Variants in NAALADL2 observed in about 807,000 individuals in gnomAD.
NAALADL2 encodes the protein inactive N-acetylated-alpha-linked acidic dipeptidase-like protein 2.
A neutral mutation model predicts 87.2 loss-of-function variants in NAALADL2; 76 were observed. The ratio of observed to expected loss-of-function variants is 0.87; its 90% confidence interval spans 0.72 to 1.05. The LOEUF (loss-of-function observed/expected upper bound fraction) is 1.05, where lower values mean the gene tolerates loss of function less well. Ranked by LOEUF, NAALADL2 falls within the 50% of genes least tolerant of loss-of-function variation. The pLI, the probability that NAALADL2 is intolerant of heterozygous loss-of-function variation, is 0.00. For synonymous variants in NAALADL2, 354 were observed against 331.0 expected, an observed-to-expected ratio of 1.07 and a Z score of -0.75; for missense variants, 1,089 against 945.8, an observed-to-expected ratio of 1.15 and a Z score of -1.99.
At chr3:175,781,715 T>A (rs894460338) in intron 13 of NAALADL2, among the ~76,000 whole-genome samples, 5 of 152,180 alleles carry the variant, frequency 3.3e-5, no homozygotes, top group South Asian at 2.1e-4. Flanking sequence ...TTATTTTTTT[T>A]ATTTTTTTAT....
intron 4 of NAALADL2, among the ~76,000 whole-genome samples, chr3:175,306,529 C>T (rs1016595459): frequency 1.2e-4 from 19 of 152,012 alleles, no homozygotes; most frequent in Admixed American, 2.6e-4. Flanking sequence ...AAATCCAAAG[C>T]GGCCAGACGC....
intron 5 of NAALADL2, among the ~76,000 whole-genome samples, chr3:175,333,912 C>G (rs1761693170): frequency 6.6e-6 from 1 of 152,058 alleles, no homozygotes; most frequent in Non-Finnish European, 1.5e-5. Context: ...ATTATACATT[C>G]CATGCATGTA....
At chr3:174,850,655 A>G (rs1308804458) in intron 3 of NAALADL2, among the ~76,000 whole-genome samples, 4 of 152,184 alleles carry the variant, frequency 2.6e-5, no homozygotes, top group Non-Finnish European at 5.9e-5. Flanking sequence ...AGAGACCCCA[A>G]TACAATAATA....
At chr3:175,180,735 TATA>T (rs772034864) in intron 2 of NAALADL2, among the ~76,000 whole-genome samples, 49 of 151,006 alleles carry the variant, frequency 3.2e-4, no homozygotes, top group Non-Finnish European at 6.3e-4. Context: ...TAATGTATAA[TATA>T]ATAATTATCA....
chr3:174,713,383 A>T (rs200131974), intron 2 of NAALADL2, among the ~76,000 whole-genome samples: 40 of 152,262 alleles, frequency 2.6e-4, no homozygotes, highest in Admixed American at 8.5e-4. Flanking sequence ...CGCCACACTG[A>T]CTTCCACAAC....
chr3:175,478,808 C>A (rs756306282), intron 9 of NAALADL2, among the ~76,000 whole-genome samples: 2 of 151,914 alleles, frequency 1.3e-5, no homozygotes, highest in South Asian at 4.1e-4. Flanking sequence ...AATTCTGTAA[C>A]AGTATCATTA....
At chr3:175,016,112 C>G (rs1187380742) in intron 1 of NAALADL2, among the ~76,000 whole-genome samples, 2 of 151,372 alleles carry the variant, frequency 1.3e-5, no homozygotes, top group African/African-American at 4.8e-5. Flanking sequence ...ATTTCTCAAG[C>G]TGAAGCAAGT....
intron 1 of NAALADL2, among the ~76,000 whole-genome samples, chr3:174,922,780 C>T (rs577220343): frequency 6.4e-4 from 98 of 152,206 alleles, no homozygotes; most frequent in African/African-American, 2.2e-3. Context: ...CACAACAACA[C>T]TACTAAAATG....
At chr3:174,857,611 C>G (rs1052205247), upstream of NAALADL2, among the ~76,000 whole-genome samples, 1 of 152,086 alleles carries the variant, frequency 6.6e-6, no homozygotes, top group African/African-American at 2.4e-5. Context: ...GTGATGATTA[C>G]AGTGTTTTAT....
chr3:174,994,538 A>C (rs1747172566), intron 1 of NAALADL2, among the ~76,000 whole-genome samples: 1 of 152,162 alleles, frequency 6.6e-6, no homozygotes, highest in Non-Finnish European at 1.5e-5. Context: ...CCACCACTTA[A>C]ATTTCCAAAT....
intron 9 of NAALADL2, among the ~76,000 whole-genome samples, chr3:175,566,029 C>T (rs532098118): frequency 6.6e-6 from 1 of 152,164 alleles, no homozygotes; most frequent in East Asian, 1.9e-4. Flanking sequence ...GGGGTTTTGC[C>T]ATGTTGGCCA....
At chr3:174,926,022 A>G (rs2108383668) in intron 1 of NAALADL2, among the ~76,000 whole-genome samples, 1 of 152,292 alleles carries the variant, frequency 6.6e-6, no homozygotes, top group South Asian at 2.1e-4. Flanking sequence ...ATGACTTGAT[A>G]GAGCTGAAAA....
At chr3:174,657,441 G>A (rs1725075809) in intron 2 of NAALADL2, among the ~76,000 whole-genome samples, 1 of 152,006 alleles carries the variant, frequency 6.6e-6, no homozygotes, top group African/African-American at 2.4e-5. Flanking sequence ...ACAGGCATGA[G>A]CGACCCTGCC....
intron 1 of NAALADL2, among the ~76,000 whole-genome samples, chr3:175,089,244 T>A (rs974563312): frequency 3.3e-5 from 5 of 152,114 alleles, no homozygotes; most frequent in African/African-American, 1.2e-4. Context: ...ATAGGACCAT[T>A]AAGATTGAAG....
At chr3:174,577,487 GGCT>G (rs1398245139) in intron 2 of NAALADL2, among the ~76,000 whole-genome samples, 1 of 152,100 alleles carries the variant, frequency 6.6e-6, no homozygotes, top group East Asian at 1.9e-4. Context: ...AGTGCAGGAT[GGCT>G]GAAATGTAAT....
intron 1 of NAALADL2, among the ~76,000 whole-genome samples, chr3:175,017,582 T>C (rs1751011091): frequency 6.6e-6 from 1 of 152,066 alleles, no homozygotes; most frequent in Admixed American, 6.6e-5. Context: ...GGCCTGTTTT[T>C]ATGTGATTGG....
At chr3:175,256,289 T>G (rs1414623791) in intron 3 of NAALADL2, 122 bp from the exon 4 acceptor site, 5 of 903,620 alleles carry the variant, frequency 5.5e-6, no homozygotes, top group East Asian at 2.9e-5. Context: ...GGGTAAGAGA[T>G]AGAATTAATT....
intron 9 of NAALADL2, among the ~76,000 whole-genome samples, chr3:175,552,612 CAT>C (rs1714606327): frequency 6.6e-6 from 1 of 152,076 alleles, no homozygotes; most frequent in South Asian, 2.1e-4. Context: ...GCTCTTGTCA[CAT>C]AGTCTTACAG....
intron 9 of NAALADL2, among the ~76,000 whole-genome samples, chr3:175,575,471 G>C (rs997733222): frequency 6.6e-6 from 1 of 151,838 alleles, no homozygotes; most frequent in African/African-American, 2.4e-5. Flanking sequence ...TTTTAGTAGG[G>C]ACGAGCTTTC....
Sources: gnomAD v4.1 joint callset for allele counts (sites outside exome capture counted in the v4.1 genomes callset) on GRCh38, gnomAD v4.1.1 for gene constraint, MANE v1.5 for transcripts, NCBI Gene and HGNC (gene_info 2026-07-23, HGNC 2026-07-21) for gene names.